The following KIAA0825 variants were observed in gnomAD, a reference collection of about 807,000 sequenced individuals.
The protein encoded by KIAA0825 is KIAA0825.
In KIAA0825, 119 loss-of-function variants were observed where a neutral mutation model predicts 147.6. The ratio of observed to expected loss-of-function variants is 0.81; its 90% CI spans 0.69 to 0.94. The LOEUF (loss-of-function observed/expected upper bound fraction) is 0.94. KIAA0825 is among the 40% of genes least tolerant of loss of function. The pLI, the probability that KIAA0825 is intolerant of heterozygous loss-of-function variation, is 0.00. For missense variants in KIAA0825, 1,381 were observed against 1,472.7 expected (o/e 0.94, Z 1.02); for synonymous variants, 470 against 518.1 (o/e 0.91, Z 1.26).
intron 13 of KIAA0825, among the ~76,000 whole-genome samples, chr5:94,449,015 A>C (rs1758065913): frequency 6.6e-6 from 1 of 152,118 alleles, no homozygotes; most frequent in South Asian, 2.1e-4. Flanking sequence ...ATGACACCTA[A>C]TGGGCAGGGG....
intron 20 of KIAA0825, among the ~76,000 whole-genome samples, chr5:94,309,705 T>G (rs553138858): frequency 6.6e-6 from 1 of 151,822 alleles, no homozygotes; most frequent in East Asian, 1.9e-4. Context: ...GAAGATGCTA[T>G]GCAGTTGCCC....
At chr5:94,169,565 GAAAAA>G (rs57781961) in intron 20 of KIAA0825, among the ~76,000 whole-genome samples, 5 of 86,658 alleles carry the variant, frequency 5.8e-5, no homozygotes, top group African/African-American at 1.3e-4. Context: ...CTGGGTGACA[GAAAAA>G]AAAAAAAAAA....
chr5:94,164,215 A>T (rs1254533714), intron 20 of KIAA0825, among the ~76,000 whole-genome samples: 1 of 152,188 alleles, frequency 6.6e-6, no homozygotes, highest in Non-Finnish European at 1.5e-5. Context: ...TAAAGTTTAT[A>T]TGGAACCACA....
intron 20 of KIAA0825, among the ~76,000 whole-genome samples, chr5:94,268,893 G>A (rs567058142): frequency 6.6e-6 from 1 of 152,240 alleles, no homozygotes; most frequent in Admixed American, 6.5e-5. Context: ...TAAACTGGAA[G>A]CTGCTCATAT....
intron 20 of KIAA0825, among the ~76,000 whole-genome samples, chr5:94,359,222 A>G (rs1744722979): frequency 6.6e-6 from 1 of 152,188 alleles, no homozygotes; most frequent in Non-Finnish European, 1.5e-5. Context: ...CCCACCCCAG[A>G]GATTCTGATT....
intron 20 of KIAA0825, among the ~76,000 whole-genome samples, chr5:94,164,469 T>G (rs971105467): frequency 1.3e-4 from 19 of 151,886 alleles, no homozygotes; most frequent in African/African-American, 4.6e-4. Flanking sequence ...TGGAGTGCAG[T>G]GGAGCGATCT....
chr5:94,525,208 G>T (rs1769042893), intron 3 of KIAA0825, among the ~76,000 whole-genome samples: 1 of 151,834 alleles, frequency 6.6e-6, no homozygotes, highest in African/African-American at 2.4e-5. Flanking sequence ...AAACGTAACT[G>T]CTATTAATTA....
chr5:94,578,350 A>T (rs902800262), intron 2 of KIAA0825, among the ~76,000 whole-genome samples: 3 of 152,228 alleles, frequency 2.0e-5, no homozygotes, highest in African/African-American at 4.8e-5. Flanking sequence ...GTATAGAATT[A>T]TATAATTTTC....
Position 94,154,064 on chromosome 5 carries a change from T to C in KIAA0825, c.3771A>G (p.Leu1257=). The C allele has an allele frequency of 6.4e-7, 1 of 1,551,746 alleles. No homozygotes were observed. Residue 1257 remains leucine, a synonymous_variant, in exon 21 of 21, where the codon TTA becomes TTG. Transcript: ENST00000682413. ...EEEEKAILEH[L]KQICTPQNSS... ...AGTTCTGTGGGGTGCAAATTTGTTTTAAGTGCTCCAGTATTGCTTTTTCTT... is the reference window on the plus strand; with the variant it reads ...AGTTCTGTGGGGTGCAAATTTGTTTCAAGTGCTCCAGTATTGCTTTTTCTT...
intron 13 of KIAA0825, among the ~76,000 whole-genome samples, chr5:94,440,676 C>T (rs1756963161): frequency 6.6e-6 from 1 of 151,972 alleles, no homozygotes. Flanking sequence ...AAACTGTTAC[C>T]TACTTGGGTA....
intron 1 of KIAA0825, among the ~76,000 whole-genome samples, chr5:94,616,364 T>C (rs1408024848): frequency 1.3e-5 from 2 of 152,196 alleles, no homozygotes; most frequent in African/African-American, 4.8e-5. Context: ...GAATTGGGTA[T>C]TGGGATGGGC....
At chr5:94,261,356 G>A (rs755077551) in intron 20 of KIAA0825, among the ~76,000 whole-genome samples, 7 of 151,896 alleles carry the variant, frequency 4.6e-5, no homozygotes, top group Non-Finnish European at 7.4e-5. Flanking sequence ...ATAAAATAAC[G>A]TGTAATCTTT....
At chr5:94,244,527 A>G (rs1171937717) in intron 20 of KIAA0825, among the ~76,000 whole-genome samples, 1 of 152,090 alleles carries the variant, frequency 6.6e-6, no homozygotes, top group Non-Finnish European at 1.5e-5. Flanking sequence ...CTTGGAGACA[A>G]GGTCTCAGTA....
chr5:94,411,174 C>A (rs1752717530), intron 15 of KIAA0825, among the ~76,000 whole-genome samples: 1 of 151,962 alleles, frequency 6.6e-6, no homozygotes, highest in Non-Finnish European at 1.5e-5. Flanking sequence ...GTTAAAGATA[C>A]ATATTGTAAA....
chr5:94,190,786 T>C (rs1770614739), intron 20 of KIAA0825, among the ~76,000 whole-genome samples: 1 of 152,048 alleles, frequency 6.6e-6, no homozygotes, highest in African/African-American at 2.4e-5. Flanking sequence ...ATGTAAATAA[T>C]TGAACCTAAA....
intron 20 of KIAA0825, among the ~76,000 whole-genome samples, chr5:94,237,908 T>C (rs892763609): frequency 6.6e-6 from 1 of 152,188 alleles, no homozygotes; most frequent in Non-Finnish European, 1.5e-5. Flanking sequence ...CTTTTGAGTC[T>C]TCTGTATTCA....
chr5:94,556,690 G>A (rs1330682205), intron 2 of KIAA0825, among the ~76,000 whole-genome samples: 1 of 152,136 alleles, frequency 6.6e-6, no homozygotes, highest in East Asian at 1.9e-4. Context: ...CACCAGTCTT[G>A]TATCATCAAT....
At chr5:94,518,257 A>T (rs1434177142) in intron 5 of KIAA0825, among the ~76,000 whole-genome samples, 1 of 152,224 alleles carries the variant, frequency 6.6e-6, no homozygotes, top group African/African-American at 2.4e-5. Context: ...AACATAGCTT[A>T]TCTGTTGAGT....
chr5:94,384,514 G>T, intron 19 of KIAA0825, 56 bp from the exon 20 acceptor site: 3 of 1,387,570 alleles, frequency 2.2e-6, no homozygotes, highest in South Asian at 2.5e-5. Context: ...GAGTTAATAT[G>T]ATCAGTAAAT....
Sources: allele counts gnomAD v4.1 joint callset (sites outside exome capture counted in the v4.1 genomes callset), GRCh38; gene constraint gnomAD v4.1.1; transcripts MANE v1.5; gene names NCBI Gene and HGNC (gene_info 2026-07-23, HGNC 2026-07-21).